The following FRMD4A variants were observed in gnomAD, a reference collection of about 807,000 sequenced individuals.
FRMD4A encodes the protein FERM domain-containing protein 4A.
In FRMD4A, 29 loss-of-function variants were observed where a neutral mutation model predicts 129.1. The observed-to-expected ratio is 0.22, with a 90% CI of 0.17 to 0.31. The LOEUF (loss-of-function observed/expected upper bound fraction) is 0.31, where lower values mean the gene tolerates loss of function less well. Ranked by LOEUF, FRMD4A falls within the 10% of genes least tolerant of loss-of-function variation. FRMD4A has a pLI of 1.00. For synonymous variants in FRMD4A, 634 were observed against 571.6 expected (o/e 1.11, Z -1.56); for missense variants, 1,272 against 1,375.8 (o/e 0.92, Z 1.19).
At chr10:14,073,194 G>A (rs1835397865) in intron 2 of FRMD4A, among the ~76,000 whole-genome samples, 1 of 152,118 alleles carries the variant, frequency 6.6e-6, no homozygotes, top group Non-Finnish European at 1.5e-5. Context: ...TGCCCTCCCT[G>A]GGGCTCTTAA....
chr10:14,217,447 C>T (rs905113808), intron 2 of FRMD4A, among the ~76,000 whole-genome samples: 4 of 152,192 alleles, frequency 2.6e-5, no homozygotes, highest in Non-Finnish European at 5.9e-5. Flanking sequence ...AAACCCCTTT[C>T]GTCTGGGTTC....
intron 3 of FRMD4A, among the ~76,000 whole-genome samples, chr10:13,838,492 C>G (rs73583968): frequency 4.6e-5 from 7 of 151,628 alleles, no homozygotes; most frequent in East Asian, 3.9e-4. Context: ...TTTCTTCCCC[C>G]TCCCTCCCTT....
chr10:13,656,513 A>T (rs1165178174), intron 22 of FRMD4A, 123 bp downstream of exon 22: 3 of 1,151,324 alleles, frequency 2.6e-6, no homozygotes, highest in Middle Eastern at 3.2e-4. Context: ...TCCCAGAATT[A>T]ATTAATGATT....
chr10:14,113,601 T>G (rs1013470705), intron 2 of FRMD4A, among the ~76,000 whole-genome samples: 2 of 152,104 alleles, frequency 1.3e-5, no homozygotes, highest in East Asian at 3.8e-4. Context: ...CTGAAAGGGG[T>G]ATCAATGCCC....
At chr10:13,964,140 A>T (rs2095467391) in intron 2 of FRMD4A, among the ~76,000 whole-genome samples, 2 of 151,772 alleles carry the variant, frequency 1.3e-5, no homozygotes, top group Admixed American at 1.3e-4. Flanking sequence ...TAGAAAAAAA[A>T]AAAAAACAGA....
chr10:13,746,664 T>C (rs954471019), intron 9 of FRMD4A, among the ~76,000 whole-genome samples: 1 of 152,248 alleles, frequency 6.6e-6, no homozygotes, highest in Admixed American at 6.5e-5. Context: ...TCACGTATTG[T>C]AGTTTATTAG....
chr10:13,727,200 C>T (rs868792770), intron 12 of FRMD4A, among the ~76,000 whole-genome samples: 1 of 152,238 alleles, frequency 6.6e-6, no homozygotes. Context: ...CCACACCTGG[C>T]CAGAGTTTGC....
chr10:14,218,382 A>T (rs765210200), intron 2 of FRMD4A, among the ~76,000 whole-genome samples: 13 of 152,248 alleles, frequency 8.5e-5, no homozygotes, highest in Non-Finnish European at 1.6e-4. Context: ...AACTCAAAAC[A>T]GCTGAGGTAT....
intron 3 of FRMD4A, among the ~76,000 whole-genome samples, chr10:13,837,509 A>C (rs1254385337): frequency 6.6e-6 from 1 of 152,216 alleles, no homozygotes; most frequent in African/African-American, 2.4e-5. Flanking sequence ...GGCAGTGGGG[A>C]GACTACAGCA....
chr10:14,166,639 A>T (rs1222741422), intron 2 of FRMD4A, among the ~76,000 whole-genome samples: 1 of 152,202 alleles, frequency 6.6e-6, no homozygotes, highest in Admixed American at 6.5e-5. Context: ...CCCCCTTTAC[A>T]CCTGCAGCTA....
chr10:13,825,548 C>T (rs998821322), intron 3 of FRMD4A, among the ~76,000 whole-genome samples: 1 of 152,202 alleles, frequency 6.6e-6, no homozygotes, highest in African/African-American at 2.4e-5. Flanking sequence ...GGAACAGTTT[C>T]ATCCTGAAAC....
intron 15 of FRMD4A, among the ~76,000 whole-genome samples, chr10:13,680,322 T>C (rs890195909): frequency 2.0e-5 from 3 of 151,866 alleles, no homozygotes; most frequent in Non-Finnish European, 2.9e-5. Flanking sequence ...AAAATTCTAA[T>C]TTCAAATCAG....
chr10:13,971,971 C>T, intron 2 of FRMD4A: 1 of 1,196,296 alleles, frequency 8.4e-7, no homozygotes, highest in Non-Finnish European at 1.1e-6. Flanking sequence ...ACCCTCACCA[C>T]CACCCTCACT....
chr10:13,783,268 T>G (rs972361237), intron 5 of FRMD4A, among the ~76,000 whole-genome samples: 4 of 152,374 alleles, frequency 2.6e-5, no homozygotes, highest in African/African-American at 4.8e-5. Context: ...AAGAACAAAT[T>G]CTAAAACTAG....
intron 2 of FRMD4A, among the ~76,000 whole-genome samples, chr10:14,109,138 A>G (rs934000060): frequency 4.0e-5 from 6 of 151,874 alleles, no homozygotes; most frequent in African/African-American, 1.2e-4. Flanking sequence ...CTGGAAGATT[A>G]GACATCTACA....
chr10:13,773,023 A>G (rs1363354149), intron 6 of FRMD4A, among the ~76,000 whole-genome samples: 2 of 152,238 alleles, frequency 1.3e-5, no homozygotes, highest in East Asian at 3.8e-4. Flanking sequence ...TGATGTGGTT[A>G]TTACACATTA....
At chr10:14,156,753 C>G (rs1029383427) in intron 2 of FRMD4A, among the ~76,000 whole-genome samples, 1 of 152,170 alleles carries the variant, frequency 6.6e-6, no homozygotes, top group Non-Finnish European at 1.5e-5. Context: ...TAATGGGAAC[C>G]TTAGACGCTT....
chr10:13,656,998 T>C lies in FRMD4A; in HGVS notation c.2591A>G (p.Lys864Arg). ...ESDQEGHYSVKAQFKTSNSYT... is the reference protein window; with the variant it reads ...ESDQEGHYSVRAQFKTSNSYT... ...GGAGTTGGACGTCTTGAACTGAGCC[T>C]TGACGCTGTAGTGGCCCTCCTGGTC... The change falls in exon 22 of 25, where the codon AAG becomes AGG. Residue 864 changes from lysine (K) to arginine (R), a missense_variant. Around this residue, in one of 2 missense-constraint regions of FRMD4A, gnomAD observed 972 missense variants for 892.3 expected, o/e 1.09. Transcript: ENST00000357447. The C allele has an allele frequency of 6.4e-7, 1 of 1,565,974 alleles. No homozygotes were observed. The highest frequency in any genetic ancestry group is 8.6e-7 in the Non-Finnish European group (1 of 1,163,180).
intron 2 of FRMD4A, among the ~76,000 whole-genome samples, chr10:14,236,789 T>C (rs1843832473): frequency 6.6e-6 from 1 of 151,902 alleles, no homozygotes; most frequent in South Asian, 2.1e-4. Context: ...CGCGCAAACA[T>C]CCAGAACAGA....
Sources: allele counts gnomAD v4.1 joint callset (sites outside exome capture counted in the v4.1 genomes callset), GRCh38; gene constraint gnomAD v4.1.1; regional missense constraint gnomAD v4.1.1; transcripts MANE v1.5; gene names NCBI Gene and HGNC (gene_info 2026-07-23, HGNC 2026-07-21).